The following TRIM71 variants were observed in gnomAD, a reference collection of about 807,000 sequenced individuals.
TRIM71 encodes tripartite motif containing 71.
A neutral mutation model predicts 61.2 loss-of-function variants in TRIM71; 9 were observed. That is an observed-to-expected ratio of 0.15 (90% CI 0.09 to 0.26). TRIM71 has a LOEUF of 0.26. TRIM71 is among the 10% of genes least tolerant of loss of function. The pLI is 1.00. For missense variants in TRIM71, 998 were observed against 1,238.7 expected (o/e 0.81, Z 2.92); for synonymous variants, 645 against 553.2 (o/e 1.17, Z -2.33).
intron 1 of TRIM71, among the ~76,000 whole-genome samples, chr3:32,851,695 T>A (rs1438810022): frequency 6.6e-6 from 1 of 152,136 alleles, no homozygotes; most frequent in Admixed American, 6.5e-5. Flanking sequence ...GCCAGGCTGG[T>A]CTCTAACTCC....
chr3:32,864,019 T>A (rs1696703229), intron 1 of TRIM71, among the ~76,000 whole-genome samples: 1 of 152,156 alleles, frequency 6.6e-6, no homozygotes. Context: ...TCCTGTTGTG[T>A]GTATGTACCA....
intron 1 of TRIM71, among the ~76,000 whole-genome samples, chr3:32,832,467 G>A (rs1435112661): frequency 2.6e-5 from 4 of 152,178 alleles, no homozygotes; most frequent in East Asian, 3.8e-4. Flanking sequence ...GATCCTGTCT[G>A]CTAAAGTTAA....
At chr3:32,884,433 C>G (rs12633557) in intron 2 of TRIM71, among the ~76,000 whole-genome samples, 56,588 of 151,602 alleles carry the variant, frequency 0.37, 12,368 homozygotes, top group South Asian at 0.51. Flanking sequence ...CGCAGTGGCT[C>G]ATGCCTATAA....
chr3:32,831,061 G>A (rs1419685862), intron 1 of TRIM71, among the ~76,000 whole-genome samples: 2 of 152,094 alleles, frequency 1.3e-5, no homozygotes, highest in Non-Finnish European at 2.9e-5. Flanking sequence ...GCCTCCCAAA[G>A]TGTTGGGATT....
At chr3:32,873,087 CCCT>C (rs1392976312) in intron 1 of TRIM71, among the ~76,000 whole-genome samples, 1 of 143,826 alleles carries the variant, frequency 7.0e-6, no homozygotes, top group Non-Finnish European at 1.5e-5. Flanking sequence ...CTCCCTCCCT[CCCT>C]CCCTCCCAGC....
chr3:32,871,270 A>G (rs1306578872), intron 1 of TRIM71, among the ~76,000 whole-genome samples: 2 of 152,122 alleles, frequency 1.3e-5, no homozygotes, highest in East Asian at 3.9e-4. Context: ...AGCCATGGAG[A>G]TGAGAGCAAT....
chr3:32,827,153 C>T (rs1466113014), intron 1 of TRIM71, among the ~76,000 whole-genome samples: 1 of 151,986 alleles, frequency 6.6e-6, no homozygotes, highest in Non-Finnish European at 1.5e-5. Context: ...CAATTTTCCA[C>T]ATAGAAGTAG....
chr3:32,835,589 G>C (rs1025772364), intron 1 of TRIM71, among the ~76,000 whole-genome samples: 3 of 152,182 alleles, frequency 2.0e-5, no homozygotes, highest in Non-Finnish European at 4.4e-5. Flanking sequence ...ATTTTAGGCT[G>C]TAATTTTTCT....
rs560193816 is a variant in TRIM71, at chr3:32,819,026, C to T, written c.852+94C>T. 2.9e-6 allele frequency: 4 copies of T among 1,390,818 alleles called. No individual in the cohort carries two copies. The African/African-American group carries it at 4.4e-5, about 15-fold the overall frequency. The allele number at this position is 1,390,818 out of a possible 1,614,324, so 86.2% of individuals were successfully genotyped here. On this transcript the variant is annotated intron_variant, in intron 1 of 3. Transcript: ENST00000383763. ...CCGGTCCCACAGCGAGGGGAGGAGGCCCTCTCCGGATTTGGTTTGTATTTC... is the reference window on the plus strand; with the variant it reads ...CCGGTCCCACAGCGAGGGGAGGAGGTCCTCTCCGGATTTGGTTTGTATTTC...
chr3:32,823,593 A>G (rs912990510), intron 1 of TRIM71, among the ~76,000 whole-genome samples: 1 of 152,186 alleles, frequency 6.6e-6, no homozygotes. Flanking sequence ...CTAGACTTCC[A>G]GTTCTTCATT....
intron 1 of TRIM71, among the ~76,000 whole-genome samples, chr3:32,830,631 G>T (rs931261149): frequency 2.0e-5 from 3 of 152,076 alleles, no homozygotes; most frequent in Non-Finnish European, 2.9e-5. Context: ...GGCCTCTGTC[G>T]ATATCAGTGG....
chr3:32,818,452 G>C lies in TRIM71; in HGVS notation c.372G>C (p.Val124=), dbSNP rs1418059103. The change falls in exon 1 of 4, where the codon GTG becomes GTC. Residue 124 remains valine (V), a synonymous_variant. Transcript: ENST00000383763. The part of the protein sequence containing the change: ...FLLSNLLDAV[V]ATADEPPPKN... ...TTAGCAACCTGCTCGACGCGGTGGT[G>C]GCCACTGCCGACGAGCCGCCGCCCA... 2 of 1,462,264 alleles carry C rather than the reference G, an allele frequency of 1.4e-6. No homozygotes were observed. Among genetic ancestry groups the C allele is most frequent in the Non-Finnish European group, 1.8e-6 (2 of 1,112,282 alleles). 90.6% of individuals were successfully genotyped at this position (1,462,264 alleles called of 1,614,324 possible).
chr3:32,830,079 G>A (rs1212358535), intron 1 of TRIM71, among the ~76,000 whole-genome samples: 2 of 151,670 alleles, frequency 1.3e-5, no homozygotes, highest in Admixed American at 6.6e-5. Context: ...ACATGCCACC[G>A]TGCCCGGGTA....
chr3:32,864,793 G>A (rs116467757), intron 1 of TRIM71, among the ~76,000 whole-genome samples: 1 of 151,846 alleles, frequency 6.6e-6, no homozygotes, highest in African/African-American at 2.4e-5. Context: ...CATGTGTGTT[G>A]TCCCCCAGTT....
chr3:32,849,571 C>T (rs773665423), intron 1 of TRIM71, among the ~76,000 whole-genome samples: 5 of 151,938 alleles, frequency 3.3e-5, no homozygotes, highest in Non-Finnish European at 7.4e-5. Flanking sequence ...GTTGGCTGGG[C>T]TGGTCTCGAA....
intron 1 of TRIM71, among the ~76,000 whole-genome samples, chr3:32,828,503 T>C (rs1033571955): frequency 1.8e-4 from 4 of 22,526 alleles, no homozygotes; most frequent in African/African-American, 2.7e-4. Context: ...AATTGTAAAC[T>C]TTTTTTTTTT....
chr3:32,883,456 G>A (rs1420198046), intron 2 of TRIM71, among the ~76,000 whole-genome samples: 8 of 152,240 alleles, frequency 5.3e-5, no homozygotes, highest in Non-Finnish European at 1.5e-5. Context: ...GCAGTTGCCA[G>A]CATCCTTGGC....
At position 32,818,313 on chromosome 3, in the gene TRIM71, C is replaced by T. The variant is rs1696081615; in HGVS notation, c.233C>T (p.Ala78Val). ...CTCGAGGCGCACCGGCTGCCGGCGGCGGGCGGCGGCGCGGCGGGAGAGCCG... is the reference window on the plus strand; with the variant it reads ...CTCGAGGCGCACCGGCTGCCGGCGGTGGGCGGCGGCGCGGCGGGAGAGCCG... ...PCLEAHRLPA[A>V]GGGAAGEPLK... Residue 78 changes from alanine to valine, a missense_variant, in exon 1 of 4, where the codon GCG becomes GTG. By Grantham distance (64) the Ala-to-Val change is moderately conservative. Around this residue, in one of 5 missense-constraint regions of TRIM71, gnomAD observed 527 missense variants for 427.8 expected, o/e 1.23. Coordinates refer to ENST00000383763, the MANE Select transcript of TRIM71 (RefSeq NM_001039111.3). 2 of 1,435,252 alleles carry T rather than the reference C, an allele frequency of 1.4e-6. No homozygotes were observed. Among genetic ancestry groups the T allele is most frequent in the Admixed American group, 2.9e-5 (1 of 35,022 alleles). The allele number at this position is 1,435,252 out of a possible 1,614,324, so 88.9% of individuals were successfully genotyped here. A position where few individuals can be genotyped will look rare whatever the true frequency, so the allele number is the denominator to read the frequency against.
intron 1 of TRIM71, among the ~76,000 whole-genome samples, chr3:32,823,657 G>A (rs1417770858): frequency 6.6e-6 from 1 of 151,348 alleles, no homozygotes; most frequent in Non-Finnish European, 1.5e-5. Flanking sequence ...TGAAATAGTT[G>A]TACTTGAAAT....
Sources: allele counts gnomAD v4.1 joint callset (sites outside exome capture counted in the v4.1 genomes callset), GRCh38; gene constraint gnomAD v4.1.1; regional missense constraint gnomAD v4.1.1; transcripts MANE v1.5; gene names NCBI Gene and HGNC (gene_info 2026-07-23, HGNC 2026-07-21).